ZBTB7C: variants seen among roughly 807,000 people sequenced by gnomAD.
ZBTB7C encodes zinc finger and BTB domain-containing protein 7C.
ZBTB7C carries 8 observed loss-of-function variants against 25.7 expected under a neutral mutation model. That is an observed-to-expected ratio of 0.31 (90% CI 0.18 to 0.56). The LOEUF (loss-of-function observed/expected upper bound fraction) is 0.56, where lower values mean the gene tolerates loss of function less well. Among genes scored for constraint, ZBTB7C ranks in the 20% least tolerant of loss-of-function variants. The probability of loss-of-function intolerance (pLI) is 0.91; values close to 1 mark genes in which losing one functional copy is unlikely to be tolerated. For synonymous variants in ZBTB7C, 394 were observed against 369.0 expected (o/e 1.07, Z -0.78); for missense variants, 824 against 855.2 (o/e 0.96, Z 0.46).
intron 3 of ZBTB7C, among the ~76,000 whole-genome samples, chr18:48,047,337 C>CCA (rs61078960): frequency 0.047 from 7,130 of 150,322 alleles, 554 homozygotes; most frequent in African/African-American, 0.16. Context: ...GAAAAAAATT[C>CCA]CACACACACA....
chr18:48,104,486 C>A (rs764411735), intron 3 of ZBTB7C, among the ~76,000 whole-genome samples: 11 of 152,160 alleles, frequency 7.2e-5, no homozygotes, highest in Non-Finnish European at 1.5e-4. Context: ...TTCAGGTATT[C>A]CTTTATAGCA....
chr18:48,230,712 C>T (rs551210132), intron 2 of ZBTB7C, among the ~76,000 whole-genome samples: 6 of 152,240 alleles, frequency 3.9e-5, no homozygotes, highest in African/African-American at 1.4e-4. Flanking sequence ...TAGTCCAAGG[C>T]GAAAGGGCAG....
chr18:48,372,841 C>T (rs1316386353), intron 1 of ZBTB7C, among the ~76,000 whole-genome samples: 2 of 152,112 alleles, frequency 1.3e-5, no homozygotes, highest in African/African-American at 4.8e-5. Flanking sequence ...TACATAGAAT[C>T]CCCTTACCTC....
At chr18:48,157,310 T>C (rs1397558737) in intron 3 of ZBTB7C, among the ~76,000 whole-genome samples, 1 of 151,774 alleles carries the variant, frequency 6.6e-6, no homozygotes, top group African/African-American at 2.4e-5. Flanking sequence ...CATGAGAAGG[T>C]TGCCATGGGG....
chr18:48,052,445 G>GCTAGC (rs144902962), intron 3 of ZBTB7C, among the ~76,000 whole-genome samples: 147 of 152,350 alleles, frequency 9.6e-4, no homozygotes, highest in African/African-American at 3.5e-3. Flanking sequence ...TCCACAGCTG[G>GCTAGC]CTAGCCTCTG....
At chr18:48,106,180 T>C (rs1258355215) in intron 3 of ZBTB7C, among the ~76,000 whole-genome samples, 2 of 152,208 alleles carry the variant, frequency 1.3e-5, no homozygotes, top group African/African-American at 4.8e-5. Flanking sequence ...TGAACAATTC[T>C]AGCTTCAGCT....
At chr18:48,198,776 C>T (rs368674850) in intron 2 of ZBTB7C, among the ~76,000 whole-genome samples, 6 of 152,300 alleles carry the variant, frequency 3.9e-5, no homozygotes, top group Admixed American at 2.0e-4. Context: ...TCCCTTCTGC[C>T]GTGTAACCTA....
chr18:48,259,059 C>T (rs1038589267), intron 2 of ZBTB7C, among the ~76,000 whole-genome samples: 8 of 152,164 alleles, frequency 5.3e-5, no homozygotes, highest in Admixed American at 6.5e-5. Flanking sequence ...AAGCGATTCT[C>T]AGACCTCAGC....
At chr18:48,357,415 G>A (rs980877354) in intron 1 of ZBTB7C, among the ~76,000 whole-genome samples, 29 of 152,190 alleles carry the variant, frequency 1.9e-4, no homozygotes, top group African/African-American at 6.8e-4. Context: ...TCCCTCCCAG[G>A]AGCCCTTCCC....
intron 2 of ZBTB7C, among the ~76,000 whole-genome samples, chr18:48,335,762 G>A (rs1411418985): frequency 3.3e-5 from 5 of 152,158 alleles, no homozygotes; most frequent in African/African-American, 1.2e-4. Flanking sequence ...CAAACACTTT[G>A]TATGAAAAGA....
At chr18:48,201,790 G>GGC (rs1312015781) in intron 2 of ZBTB7C, among the ~76,000 whole-genome samples, 5 of 152,186 alleles carry the variant, frequency 3.3e-5, no homozygotes, top group African/African-American at 4.8e-5. Flanking sequence ...TCTAATCCGA[G>GGC]GCGCGCATCC....
intron 2 of ZBTB7C, among the ~76,000 whole-genome samples, chr18:48,312,539 G>A (rs755054358): frequency 6.6e-6 from 1 of 152,204 alleles, no homozygotes; most frequent in Non-Finnish European, 1.5e-5. Context: ...AGATTGCCTG[G>A]GTTCAAATCC....
At chr18:48,031,374 C>A (rs377256448) in intron 4 of ZBTB7C, among the ~76,000 whole-genome samples, 1 of 152,076 alleles carries the variant, frequency 6.6e-6, no homozygotes, top group Non-Finnish European at 1.5e-5. Flanking sequence ...GAAGTGGGGT[C>A]ACCCTCTTCC....
chr18:48,293,784 G>GA (rs1056183181), intron 2 of ZBTB7C, among the ~76,000 whole-genome samples: 9 of 151,236 alleles, frequency 6.0e-5, no homozygotes, highest in East Asian at 3.9e-4. Context: ...CAACCTTTAA[G>GA]AAAAAAAAAT....
chr18:48,301,724 G>C (rs1196955902), intron 2 of ZBTB7C, among the ~76,000 whole-genome samples: 1 of 152,152 alleles, frequency 6.6e-6, no homozygotes, highest in African/African-American at 2.4e-5. Context: ...GAGGCATTGG[G>C]GGTTCTCTGC....
intron 3 of ZBTB7C, among the ~76,000 whole-genome samples, chr18:48,174,547 C>T (rs2041605676): frequency 6.6e-6 from 1 of 152,218 alleles, no homozygotes; most frequent in Non-Finnish European, 1.5e-5. Context: ...CTTGATAATC[C>T]CATTTTTAGA....
intron 2 of ZBTB7C, among the ~76,000 whole-genome samples, chr18:48,192,601 T>C (rs1404275825): frequency 1.3e-5 from 2 of 152,216 alleles, no homozygotes; most frequent in African/African-American, 2.4e-5. Flanking sequence ...TAGCTGGGAC[T>C]ATAGCCCGTG....
chr18:48,345,953 T>C (rs540912736), intron 1 of ZBTB7C, among the ~76,000 whole-genome samples: 17 of 152,228 alleles, frequency 1.1e-4, no homozygotes, highest in Non-Finnish European at 2.2e-4. Flanking sequence ...TACTCTATGA[T>C]GCCCATGGAA....
At chr18:48,088,491 C>T (rs930995975) in intron 3 of ZBTB7C, 4 of 152,180 alleles carry the variant, frequency 2.6e-5, no homozygotes, top group African/African-American at 9.7e-5. Context: ...ACAATGCGCT[C>T]AGCCGATCAA....
Sources: allele counts gnomAD v4.1 joint callset (sites outside exome capture counted in the v4.1 genomes callset), GRCh38; gene constraint gnomAD v4.1.1; transcripts MANE v1.5; gene names NCBI Gene and HGNC (gene_info 2026-07-23, HGNC 2026-07-21).